The following ZNF808 variants were observed in gnomAD, a reference collection of about 807,000 sequenced individuals.
ZNF808 encodes zinc finger protein 808.
Under a neutral mutation model 8.7 loss-of-function variants are expected in ZNF808, and 5 were observed. The ratio of observed to expected loss-of-function variants is 0.58; its 90% confidence interval spans 0.30 to 1.21. ZNF808 has a LOEUF of 1.21. Among genes scored for constraint, ZNF808 ranks in the 50% most tolerant of loss-of-function variants. ZNF808 has a pLI of 0.07. For missense variants in ZNF808, 1,103 were observed against 1,098.4 expected (o/e 1.00, Z -0.06); for synonymous variants, 380 against 366.0 (o/e 1.04, Z -0.44).
At chr19:52,536,013 C>A in intron 2 of ZNF808, 1 of 165,642 alleles carries the variant, frequency 6.0e-6, no homozygotes. Flanking sequence ...AACCCCGAGG[C>A]GGATCGCGTG....
At chr19:52,560,543 A>G (rs2059853038), downstream of ZNF808, among the ~76,000 whole-genome samples, 3 of 151,986 alleles carry the variant, frequency 2.0e-5, no homozygotes, top group South Asian at 6.2e-4. Flanking sequence ...CACAAGGCAT[A>G]TTTTTGAGTA....
At chr19:52,553,026 T>A in intron 4 of ZNF808, 81 bp from the exon 5 acceptor site, 1 of 1,423,732 alleles carries the variant, frequency 7.0e-7, no homozygotes, top group Non-Finnish European at 9.2e-7. Flanking sequence ...TAAGTATTGT[T>A]TTTTGTGTCA....
At chr19:52,552,629 C>T (rs2059788716) in intron 4 of ZNF808, among the ~76,000 whole-genome samples, 1 of 150,740 alleles carries the variant, frequency 6.6e-6, no homozygotes, top group African/African-American at 2.4e-5. Context: ...TTTGATAATA[C>T]AGAATTTCCA....
chr19:52,554,484 G>T lies in ZNF808; in HGVS notation c.1568G>T (p.Arg523Leu), dbSNP rs772629320. ...CNQCGNTFRH[R>L]ASLVYHRRLH... ...CAGTGTGGCAATACCTTCCGTCACC[G>T]GGCATCCCTTGTATACCATCGTAGA... The change falls in exon 5 of 5, where the codon CGG becomes CTG. Residue 523 changes from arginine (R) to leucine (L), a missense_variant. Physicochemically the swap from Arg to Leu is moderately radical, Grantham distance 102 (BLOSUM62 -2). Transcript: ENST00000359798. 2 of 1,613,966 alleles carry T rather than the reference G, an allele frequency of 1.2e-6. No individual in the cohort carries two copies. The highest frequency in any genetic ancestry group is 1.7e-6 in the Non-Finnish European group (2 of 1,180,018).
intron 2 of ZNF808, among the ~76,000 whole-genome samples, chr19:52,541,786 G>C (rs1251808569): frequency 6.6e-6 from 1 of 151,696 alleles, no homozygotes; most frequent in African/African-American, 2.4e-5. Context: ...ACGACTCCAT[G>C]TCCCCTGCAG....
intron 4 of ZNF808, among the ~76,000 whole-genome samples, chr19:52,550,352 T>G (rs1177920396): frequency 3.3e-5 from 5 of 151,990 alleles, no homozygotes; most frequent in African/African-American, 1.2e-4. Flanking sequence ...TTCCTCAGCC[T>G]TCTGAGTAGC....
chr19:52,545,072 T>G (rs1370440808), intron 3 of ZNF808, among the ~76,000 whole-genome samples: 1 of 152,230 alleles, frequency 6.6e-6, no homozygotes. Flanking sequence ...CCTGAGCCAC[T>G]GCACTTGGCT....
Position 52,554,268 on chromosome 19 carries a change from G to T in ZNF808, c.1352G>T (p.Gly451Val). 1 of 1,614,128 alleles carries T rather than the reference G, an allele frequency of 6.2e-7. No individual in the cohort carries two copies. Among genetic ancestry groups the T allele is most frequent in the East Asian group, 2.2e-5 (1 of 44,878 alleles). The part of the protein sequence containing the change: ...TLERHKRIHT[G>V]EKPYKCKVCD... The stretch of plus-strand genomic sequence containing the variant: ...GAGAGACATAAGAGAATTCATACTG[G>T]AGAGAAACCATACAAATGTAAGGTT... The change falls in exon 5 of 5, where the codon GGA (glycine) becomes GTA (valine). Residue 451 changes from glycine to valine, a missense_variant. Transcript: ENST00000359798.
chr19:52,553,706 T>C lies in ZNF808; in HGVS notation c.790T>C (p.Cys264Arg). ...AGACAAACAATATAAATGTGATGTA[T>C]GTGGCAAGCTCTTTAATCACAAGCA... is the stretch of plus-strand genomic sequence containing the variant. Reference protein sequence around the residue: ...LGDKQYKCDVCGKLFNHKQYL... With the variant: ...LGDKQYKCDVRGKLFNHKQYL... Residue 264 changes from cysteine to arginine, a missense_variant, in exon 5 of 5, where the codon TGT (cysteine) becomes CGT (arginine). Transcript: ENST00000359798. 3 of 1,614,116 alleles carry C rather than the reference T, an allele frequency of 1.9e-6. No homozygotes were observed. The highest frequency in any genetic ancestry group is 2.5e-6 in the Non-Finnish European group (3 of 1,179,992).
chr19:52,546,575 A>G (rs1271479700), intron 3 of ZNF808, among the ~76,000 whole-genome samples: 4 of 151,572 alleles, frequency 2.6e-5, no homozygotes, highest in African/African-American at 9.7e-5. Context: ...GTTCATCTAG[A>G]GACTAAATAT....
At chr19:52,541,329 A>G (rs775422948) in intron 2 of ZNF808, among the ~76,000 whole-genome samples, 15 of 151,326 alleles carry the variant, frequency 9.9e-5, no homozygotes, top group Non-Finnish European at 1.8e-4. Flanking sequence ...TTTTCCATGT[A>G]GATATCTAGT....
chr19:52,557,930 C>T (rs866556192), downstream of ZNF808, among the ~76,000 whole-genome samples: 8 of 145,990 alleles, frequency 5.5e-5, no homozygotes, highest in African/African-American at 7.6e-5. Flanking sequence ...TGCAACTTGG[C>T]GATGAGGGGC....
downstream of ZNF808, among the ~76,000 whole-genome samples, chr19:52,561,202 CTCTCTCTCTCTATATATATA>C (rs1244153414): frequency 3.2e-3 from 142 of 43,778 alleles, no homozygotes; most frequent in Non-Finnish European, 4.3e-3. Context: ...CTCTCTCTCT[CTCTCTCTCTCTATATATATA>C]TATATATATA....
In ZNF808 at chr19:52,553,383, T is replaced by C. The variant is rs746769190; in HGVS notation, c.467T>C (p.Leu156Pro). Residue 156 changes from leucine to proline, a missense_variant, in exon 5 of 5, where the codon CTT becomes CCT. Transcript: ENST00000359798. The part of the protein sequence containing the change: ...HAGNKPIKDQ[L>P]GSSFYSHLPE... ...GGAAACAAGCCTATTAAAGATCAGC[T>C]TGGATCAAGCTTTTATTCACATCTG... 1.2e-6 allele frequency: 2 copies of C among 1,614,202 alleles called. No homozygotes were observed. Among genetic ancestry groups the C allele is most frequent in the Non-Finnish European group, 1.7e-6 (2 of 1,180,032 alleles).
intron 4 of ZNF808, among the ~76,000 whole-genome samples, chr19:52,550,953 G>A (rs1020147210): frequency 6.6e-6 from 1 of 152,060 alleles, no homozygotes; most frequent in African/African-American, 2.4e-5. Flanking sequence ...AGCTTCAGTG[G>A]CTTTCACCTC....
Position 52,530,045 on chromosome 19 carries a change from G to T in ZNF808, c.-122+2334G>T, listed in dbSNP as rs187434285. ...GGTGGGATTACAGGGATGGCCCACC[G>T]CGTCTGGCCTACATAGCCCCCCCCT... On this transcript the variant is annotated intron_variant, in intron 1 of 4. Coordinates refer to ENST00000359798, the MANE Select transcript of ZNF808 (RefSeq NM_001039886.4). Among the ~76,000 whole-genome samples the T allele has an allele frequency of 3.6e-4, 55 of 151,726 alleles. No homozygotes were observed. In the East Asian group the frequency reaches 0.01, roughly 28 times the overall value.
rs200207703 is a variant in ZNF808 at position 52,533,867 on chromosome 19, AG to A, written c.-20+860del. 3.4e-3 allele frequency among the ~76,000 whole-genome samples: 502 copies of A among 145,898 alleles called. 6 individuals are homozygous for A. Among genetic ancestry groups the A allele is most frequent in the African/African-American group, 0.013 (487 of 37,792 alleles). On this transcript the variant is annotated intron_variant, in intron 2 of 4. Transcript: ENST00000359798. The stretch of plus-strand genomic sequence containing the variant: ...CCAAAAAAAAAAAAAAAAAAAAAAA[AG>A]GCAAGCAACAAGATAGATTGTACCT...
At chr19:52,550,970 T>C (rs186899350) in intron 4 of ZNF808, among the ~76,000 whole-genome samples, 346 of 148,186 alleles carry the variant, frequency 2.3e-3, no homozygotes, top group African/African-American at 8.6e-3. Flanking sequence ...CCTCTAATTC[T>C]AGCACTTTGA....
At chr19:52,538,528 C>T (rs1283392458) in intron 2 of ZNF808, among the ~76,000 whole-genome samples, 2 of 149,774 alleles carry the variant, frequency 1.3e-5, no homozygotes, top group African/African-American at 4.9e-5. Flanking sequence ...ATTAGGAGGC[C>T]GAGGCAGGAG....
Sources: allele counts gnomAD v4.1 joint callset (sites outside exome capture counted in the v4.1 genomes callset), GRCh38; gene constraint gnomAD v4.1.1; transcripts MANE v1.5; gene names NCBI Gene and HGNC (gene_info 2026-07-23, HGNC 2026-07-21).